Variants in CACNA2D4 observed in about 807,000 individuals in gnomAD.
The protein encoded by CACNA2D4 is calcium voltage-gated channel auxiliary subunit alpha2delta 4, also known as voltage-dependent calcium channel subunit alpha-2/delta-4.
Under a neutral mutation model 163.8 loss-of-function variants are expected in CACNA2D4, and 157 were observed. The ratio of observed to expected loss-of-function variants is 0.96; its 90% CI spans 0.84 to 1.09. CACNA2D4 has a LOEUF of 1.09. Ranked by LOEUF, CACNA2D4 falls within the 50% of genes least tolerant of loss-of-function variation. The probability of loss-of-function intolerance (pLI) is 0.00; values close to 1 mark genes in which losing one functional copy is unlikely to be tolerated. For synonymous variants in CACNA2D4, 598 were observed against 586.9 expected (o/e 1.02, Z -0.27); for missense variants, 1,410 against 1,479.9 (o/e 0.95, Z 0.78).
intron 26 of CACNA2D4, among the ~76,000 whole-genome samples, chr12:1,839,583 T>C (rs1377090137): frequency 6.6e-6 from 1 of 152,230 alleles, no homozygotes; most frequent in Non-Finnish European, 1.5e-5. Flanking sequence ...AAGTAAGTTT[T>C]CTGTGTCTCA....
At chr12:1,830,951 C>T (rs767925655) in intron 26 of CACNA2D4, 27 of 1,601,988 alleles carry the variant, frequency 1.7e-5, no homozygotes, top group East Asian at 4.5e-5. Context: ...CCTGCTGGAT[C>T]GCCCTGTATG....
At position 1,914,421 on chromosome 12, in the gene CACNA2D4, G is replaced by A. The variant is rs75230793; in HGVS notation, c.309+433C>T. On this transcript the variant is annotated intron_variant, in intron 2 of 37. Coordinates refer to ENST00000382722, the MANE Select transcript of CACNA2D4 (RefSeq NM_172364.5). ...TCGGGGGCTGACAGCTGGAGGTATG[G>A]GAGGTCTCCCTGCGCAGAGGCCACA... 3.0e-3 allele frequency among the ~76,000 whole-genome samples: 463 copies of A among 152,272 alleles called. 11 individuals are homozygous for A. The South Asian group carries it at 0.04, about 13-fold the overall frequency.
At chr12:1,865,471 T>C (rs1222908119) in intron 18 of CACNA2D4, among the ~76,000 whole-genome samples, 2 of 152,340 alleles carry the variant, frequency 1.3e-5, no homozygotes, top group African/African-American at 4.8e-5. Flanking sequence ...GGGTCGGAAG[T>C]GTTCTCTTTA....
In CACNA2D4 at chr12:1,800,155, T is replaced by A. The variant is rs903917247; in HGVS notation, c.2922-103A>T. ...ACAGCCCCCGGCCCATCCCCTCTCC[T>A]CCAGGACACCCTCTTCCCTGCTTGA... is the stretch of plus-strand genomic sequence containing the variant. On this transcript the variant is annotated intron_variant, in intron 32 of 37. Coordinates refer to ENST00000382722, the MANE Select transcript of CACNA2D4 (RefSeq NM_172364.5). 28 of 1,189,468 alleles carry A rather than the reference T, an allele frequency of 2.4e-5. No individual in the cohort carries two copies. The African/African-American group carries it at 3.9e-4, about 17-fold the overall frequency. 73.7% of individuals were successfully genotyped at this position (1,189,468 alleles called of 1,614,324 possible).
rs761902357 is a variant in CACNA2D4 at position 1,793,712 on chromosome 12, C to T, written c.3357G>A (p.Pro1119=). 5.6e-6 allele frequency: 9 copies of T among 1,613,470 alleles called. No homozygotes were observed. Among genetic ancestry groups the T allele is most frequent in the Middle Eastern group, 1.6e-4 (1 of 6,070 alleles). The change falls in exon 38 of 38, where the codon CCG becomes CCA. Residue 1119 remains proline (P), a synonymous_variant. Coordinates refer to ENST00000382722, the MANE Select transcript of CACNA2D4 (RefSeq NM_172364.5). The stretch of plus-strand genomic sequence containing the variant: ...CACACACAGGCAGCAGGAGTAGGGG[C>T]GGCGAGGCTGAGGTGTCCGAGGCGC... ...CGGASDTSAS[P]PLLLLPVCAW...
rs186146062 is a variant in CACNA2D4 at position 1,864,411 on chromosome 12, C to T, written c.1879-4205G>A. Among the ~76,000 whole-genome samples, 16 of 152,284 alleles carry T rather than the reference C, an allele frequency of 1.1e-4. No individual in the cohort carries two copies. In the East Asian group the frequency reaches 2.9e-3, roughly 28 times the overall value. ...TTAACCCAGTTAGCAAAATTAACACCGTCATTTCCATAGTTACTCTGCCGT... is the reference window on the plus strand; with the variant it reads ...TTAACCCAGTTAGCAAAATTAACACTGTCATTTCCATAGTTACTCTGCCGT... On this transcript the variant is annotated intron_variant, in intron 18 of 37. Coordinates refer to ENST00000382722, the MANE Select transcript of CACNA2D4 (RefSeq NM_172364.5).
At chr12:1,813,116 G>C (rs1190715161) in intron 26 of CACNA2D4, among the ~76,000 whole-genome samples, 1 of 152,188 alleles carries the variant, frequency 6.6e-6, no homozygotes, top group Non-Finnish European at 1.5e-5. Context: ...TGCAAGATGA[G>C]TCACGGTTCT....
intron 26 of CACNA2D4, among the ~76,000 whole-genome samples, chr12:1,821,448 G>T (rs1864096092): frequency 6.6e-6 from 1 of 152,232 alleles, no homozygotes; most frequent in African/African-American, 2.4e-5. Context: ...TGAGGGTGAG[G>T]CTGGGAGTGG....
At chr12:1,842,506 C>G (rs571788472) in intron 25 of CACNA2D4, among the ~76,000 whole-genome samples, 1 of 152,092 alleles carries the variant, frequency 6.6e-6, no homozygotes, top group East Asian at 1.9e-4. Flanking sequence ...GTGCGCTGAG[C>G]GAGTGAGTGG....
chr12:1,849,749 G>T (rs1437642246), intron 23 of CACNA2D4, among the ~76,000 whole-genome samples: 2 of 152,086 alleles, frequency 1.3e-5, no homozygotes, highest in Non-Finnish European at 2.9e-5. Flanking sequence ...GTGTGTATGT[G>T]TACATACATA....
At chr12:1,851,252 T>C (rs1865272904) in intron 23 of CACNA2D4, among the ~76,000 whole-genome samples, 1 of 152,250 alleles carries the variant, frequency 6.6e-6, no homozygotes, top group Non-Finnish European at 1.5e-5. Flanking sequence ...TGAGTCATTG[T>C]TGGGAAAGGT....
At chr12:1,822,858 C>G (rs74676249) in intron 26 of CACNA2D4, among the ~76,000 whole-genome samples, 1 of 152,178 alleles carries the variant, frequency 6.6e-6, no homozygotes, top group African/African-American at 2.4e-5. Flanking sequence ...GCGTCCTGGC[C>G]ACATGGAATC....
intron 13 of CACNA2D4, among the ~76,000 whole-genome samples, chr12:1,882,388 C>T (rs987699461): frequency 6.6e-6 from 1 of 152,212 alleles, no homozygotes; most frequent in Non-Finnish European, 1.5e-5. Flanking sequence ...CCAGAAAGGT[C>T]CCATGTGAAG....
At chr12:1,831,443 G>T in intron 26 of CACNA2D4, 1 of 1,614,132 alleles carries the variant, frequency 6.2e-7, no homozygotes, top group Non-Finnish European at 8.5e-7. Flanking sequence ...ACCTGCAGCT[G>T]CTGCAGGTCG....
chr12:1,833,431 CTG>C lies in CACNA2D4; in HGVS notation c.2551+7306_2551+7307del, dbSNP rs1864717849. Among the ~76,000 whole-genome samples the C allele has an allele frequency of 6.6e-6, 1 of 152,208 alleles. No homozygotes were observed. The highest frequency in any genetic ancestry group is 2.4e-5 in the African/African-American group (1 of 41,446). ...CTCTCACCCCAGCCCTGTCCTGCAT[CTG>C]TGTCTCCCTCTGTCCAAGCCAGCCT... On this transcript the variant is annotated intron_variant, in intron 26 of 37. Transcript: ENST00000382722. This position sits in a 1 kb window ranked among gnomAD's most constrained non-coding sequence, Gnocchi z 4.2.
intron 18 of CACNA2D4, among the ~76,000 whole-genome samples, chr12:1,864,643 C>A (rs1055109564): frequency 6.6e-6 from 1 of 152,220 alleles, no homozygotes; most frequent in East Asian, 1.9e-4. Context: ...CCCACCAGGG[C>A]GCCGCCGACG....
rs1863525726 is a variant in CACNA2D4, at chr12:1,806,027, G to A, written c.2721+4251C>T. ...CCTGCCTGGTCCGGCTCACTGGGCT[G>A]GGGTGTGGAGGGAGCAGGGTGCTGT... is the stretch of plus-strand genomic sequence containing the variant. On this transcript the variant is annotated intron_variant, in intron 29 of 37. Coordinates refer to ENST00000382722, the MANE Select transcript of CACNA2D4 (RefSeq NM_172364.5). The surrounding 1 kb of genome is among the most constrained non-coding windows in gnomAD (Gnocchi z 4.1). Among the ~76,000 whole-genome samples, 1 of 152,238 alleles carries A rather than the reference G, an allele frequency of 6.6e-6. No homozygotes were observed. The highest frequency in any genetic ancestry group is 2.1e-4 in the South Asian group (1 of 4,834).
chr12:1,878,083 C>T lies in CACNA2D4; in HGVS notation c.1719+232G>A, dbSNP rs948813267. Among the ~76,000 whole-genome samples the T allele has an allele frequency of 1.3e-5, 2 of 152,210 alleles. No individual in the cohort carries two copies. Among genetic ancestry groups the T allele is most frequent in the African/African-American group, 2.4e-5 (1 of 41,454 alleles). ...AGCCTCAAAACTGCACACTTCGTTACGTGCTCTCTGGCCCACTCATCAGTC... is the reference window on the plus strand; with the variant it reads ...AGCCTCAAAACTGCACACTTCGTTATGTGCTCTCTGGCCCACTCATCAGTC... On this transcript the variant is annotated intron_variant, in intron 16 of 37. Coordinates refer to ENST00000382722, the MANE Select transcript of CACNA2D4 (RefSeq NM_172364.5). This position sits in a 1 kb window ranked among gnomAD's most constrained non-coding sequence, Gnocchi z 4.6.
At chr12:1,842,417 C>G (rs1328654359) in intron 25 of CACNA2D4, among the ~76,000 whole-genome samples, 5 of 152,190 alleles carry the variant, frequency 3.3e-5, no homozygotes, top group African/African-American at 1.2e-4. Context: ...GTCCTCTTTT[C>G]CCCCTTGAAA....
Sources: allele counts gnomAD v4.1 joint callset (sites outside exome capture counted in the v4.1 genomes callset), GRCh38; gene constraint gnomAD v4.1.1; non-coding constraint Gnocchi (gnomAD v3.1); transcripts MANE v1.5; gene names NCBI Gene and HGNC (gene_info 2026-07-23, HGNC 2026-07-21).